FGD3: variants seen among roughly 807,000 people sequenced by gnomAD.
FGD3 encodes FYVE, RhoGEF and PH domain-containing protein 3.
A neutral mutation model predicts 71.8 loss-of-function variants in FGD3; 45 were observed. The observed-to-expected ratio is 0.63, with a 90% CI of 0.49 to 0.80. The LOEUF is 0.80. Among genes scored for constraint, FGD3 ranks in the 30% least tolerant of loss-of-function variants. The pLI is 0.00. For synonymous variants in FGD3, 378 were observed against 392.8 expected (o/e 0.96, Z 0.44); for missense variants, 844 against 951.5 (o/e 0.89, Z 1.49).
chr9:92,956,846 T>TTA (rs1445739671), intron 1 of FGD3, among the ~76,000 whole-genome samples: 1 of 147,264 alleles, frequency 6.8e-6, no homozygotes, highest in Non-Finnish European at 1.5e-5. Context: ...TTCTTTTTTT[T>TTA]TTTTTTTTTG....
intron 1 of FGD3, among the ~76,000 whole-genome samples, chr9:92,970,898 T>C (rs544559874): frequency 1.5e-4 from 23 of 152,368 alleles, no homozygotes; most frequent in African/African-American, 5.5e-4. Flanking sequence ...GCAGAGGGGC[T>C]CTGCCCGGCT....
chr9:92,986,117 T>C (rs1292531628), intron 3 of FGD3, among the ~76,000 whole-genome samples: 1 of 152,178 alleles, frequency 6.6e-6, no homozygotes, highest in Non-Finnish European at 1.5e-5. Flanking sequence ...GAACCAGTCT[T>C]ACCATGTACC....
intron 14 of FGD3, among the ~76,000 whole-genome samples, chr9:93,023,850 G>A (rs985202080): frequency 2.8e-5 from 4 of 145,024 alleles, no homozygotes; most frequent in Admixed American, 1.4e-4. Flanking sequence ...CGCCCAGGCC[G>A]GAGTGCGGTG....
At chr9:92,992,442 T>C (rs1205444915) in intron 3 of FGD3, among the ~76,000 whole-genome samples, 4 of 152,242 alleles carry the variant, frequency 2.6e-5, no homozygotes, top group Non-Finnish European at 4.4e-5. Context: ...CCTTAGATTT[T>C]GCTTGTTGGT....
intron 1 of FGD3, among the ~76,000 whole-genome samples, chr9:92,966,930 A>G (rs1859350811): frequency 6.6e-6 from 1 of 152,082 alleles, no homozygotes; most frequent in Non-Finnish European, 1.5e-5. Flanking sequence ...AAATACACAT[A>G]ACCTAAAACA....
chr9:92,972,685 C>T (rs1859580695), intron 1 of FGD3, among the ~76,000 whole-genome samples: 1 of 109,766 alleles, frequency 9.1e-6, no homozygotes, highest in South Asian at 3.0e-4. Flanking sequence ...ATTATTTCCT[C>T]AAATATTTTT....
At chr9:92,961,632 G>A (rs1859168987) in intron 1 of FGD3, among the ~76,000 whole-genome samples, 1 of 152,180 alleles carries the variant, frequency 6.6e-6, no homozygotes, top group South Asian at 2.1e-4. Context: ...TAGTTTTGAT[G>A]GGTCAGTATT....
chr9:93,022,034 T>G (rs1375475917), intron 13 of FGD3, among the ~76,000 whole-genome samples: 1 of 152,046 alleles, frequency 6.6e-6, no homozygotes, highest in Non-Finnish European at 1.5e-5. Flanking sequence ...ACTCACTGGG[T>G]GACTTGGTGT....
At chr9:93,004,322 T>A (rs1481155839) in intron 5 of FGD3, among the ~76,000 whole-genome samples, 185 bp downstream of exon 5, 2 of 152,146 alleles carry the variant, frequency 1.3e-5, no homozygotes, top group African/African-American at 4.8e-5. Flanking sequence ...GACCAGCCAC[T>A]TACGGTCTCC....
chr9:92,957,462 TTGCCCACCAGCTCATA>T (rs1859078257), intron 1 of FGD3, among the ~76,000 whole-genome samples: 1 of 152,156 alleles, frequency 6.6e-6, no homozygotes, highest in Non-Finnish European at 1.5e-5. Context: ...GCAGGCAGTG[TTGCCCACCAGCTCATA>T]TACTTATTGT....
chr9:93,005,480 T>C (rs1012809925), intron 5 of FGD3, among the ~76,000 whole-genome samples: 1 of 152,202 alleles, frequency 6.6e-6, no homozygotes, highest in African/African-American at 2.4e-5. Context: ...TAGTGATGGC[T>C]TTGTGCCTGT....
At chr9:92,960,189 C>T (rs1313838492) in intron 1 of FGD3, among the ~76,000 whole-genome samples, 1 of 151,940 alleles carries the variant, frequency 6.6e-6, no homozygotes, top group East Asian at 1.9e-4. Context: ...CTTATCCTCA[C>T]ATCCCCATGT....
chr9:93,029,050 C>T (rs974506563), intron 14 of FGD3, among the ~76,000 whole-genome samples: 5 of 113,202 alleles, frequency 4.4e-5, no homozygotes, highest in African/African-American at 9.6e-5. Flanking sequence ...GACAGAATCT[C>T]GCTCTATAGC....
At chr9:92,972,286 T>TA (rs1433752468) in intron 1 of FGD3, among the ~76,000 whole-genome samples, 8 of 150,304 alleles carry the variant, frequency 5.3e-5, no homozygotes, top group South Asian at 2.1e-4. Flanking sequence ...CCATCTCTAC[T>TA]AAAAAAAATA....
intron 8 of FGD3, among the ~76,000 whole-genome samples, chr9:93,012,688 G>C (rs61200562): frequency 0.42 from 56,728 of 136,602 alleles, 12,962 homozygotes; most frequent in African/African-American, 0.61. Context: ...GGGCGGTGGC[G>C]GGGTGTGGGG....
intron 3 of FGD3, among the ~76,000 whole-genome samples, chr9:92,990,823 G>C (rs1006647660): frequency 2.6e-5 from 4 of 152,250 alleles, no homozygotes; most frequent in Admixed American, 2.0e-4. Context: ...TGGTTTGCGG[G>C]TATTTTGTTG....
chr9:93,000,029 T>C (rs1013665673), intron 3 of FGD3, among the ~76,000 whole-genome samples: 9 of 137,232 alleles, frequency 6.6e-5, no homozygotes, highest in Non-Finnish European at 1.4e-4. Context: ...ACTCTCTTAC[T>C]ATCTTTCTTT....
At chr9:93,021,188 C>T (rs1323338248) in intron 13 of FGD3, among the ~76,000 whole-genome samples, 2 of 152,184 alleles carry the variant, frequency 1.3e-5, no homozygotes, top group East Asian at 1.9e-4. Context: ...CCTCCCAGTG[C>T]CCCCGTGCCC....
At chr9:92,958,209 G>A (rs1482044630) in intron 1 of FGD3, among the ~76,000 whole-genome samples, 1 of 152,070 alleles carries the variant, frequency 6.6e-6, no homozygotes, top group Non-Finnish European at 1.5e-5. Flanking sequence ...ATATTGGCCA[G>A]GCTGGTCTCC....
Sources: allele counts gnomAD v4.1 joint callset (sites outside exome capture counted in the v4.1 genomes callset), GRCh38; gene constraint gnomAD v4.1.1; transcripts MANE v1.5; gene names NCBI Gene and HGNC (gene_info 2026-07-23, HGNC 2026-07-21).